Variants in HOMER2 observed in about 807,000 individuals in gnomAD.
The protein encoded by HOMER2 is homer protein homolog 2.
HOMER2 carries 27 observed loss-of-function variants against 47.0 expected under a neutral mutation model. That is an observed-to-expected ratio of 0.57 (90% confidence interval 0.42 to 0.79). HOMER2 has a LOEUF of 0.79. Ranked by LOEUF, HOMER2 falls within the 30% of genes least tolerant of loss-of-function variation. HOMER2 has a pLI of 0.00. For synonymous variants in HOMER2, 161 were observed against 163.8 expected, an observed-to-expected ratio of 0.98 and a Z score of 0.13; for missense variants, 443 against 435.0, an observed-to-expected ratio of 1.02 and a Z score of -0.16.
chr15:82,917,641 G>A (rs2053624276), intron 1 of HOMER2, among the ~76,000 whole-genome samples: 1 of 152,194 alleles, frequency 6.6e-6, no homozygotes. Context: ...AGGCATTTAA[G>A]GGAAGTCTTC....
chr15:82,923,593 G>A (rs1402976351), intron 1 of HOMER2, among the ~76,000 whole-genome samples: 2 of 152,154 alleles, frequency 1.3e-5, no homozygotes, highest in East Asian at 3.9e-4. Context: ...GGGACCCTGT[G>A]TAATTCCAAA....
At chr15:82,902,218 G>A (rs536655784) in intron 1 of HOMER2, among the ~76,000 whole-genome samples, 17 of 65,586 alleles carry the variant, frequency 2.6e-4, no homozygotes, top group Admixed American at 2.3e-3. Context: ...TTTTTTTTGA[G>A]ACCGAGTCTC....
chr15:82,969,225 G>A (rs535044816), intron 1 of HOMER2, among the ~76,000 whole-genome samples: 9 of 152,300 alleles, frequency 5.9e-5, no homozygotes, highest in East Asian at 1.9e-4. Flanking sequence ...ATCTTGGGGC[G>A]AAACTGCCAT....
intron 1 of HOMER2, among the ~76,000 whole-genome samples, chr15:82,948,606 G>A (rs115977842): frequency 0.027 from 4,156 of 152,248 alleles, 154 homozygotes; most frequent in African/African-American, 0.083. Context: ...TAGTTCTGGA[G>A]GTGGGTGCTC....
At position 82,851,182 on chromosome 15, in the gene HOMER2, G is replaced by A; in HGVS notation, c.812C>T (p.Ser271Leu). 1 of 1,576,050 alleles carries A rather than the reference G, an allele frequency of 6.3e-7. No homozygotes were observed. The highest frequency in any genetic ancestry group is 8.6e-7 in the Non-Finnish European group (1 of 1,159,026). The change falls in exon 8 of 9, where the codon TCA becomes TTA. Residue 271 changes from serine to leucine, a missense_variant. Physicochemically the swap from Ser to Leu is moderately radical, Grantham distance 145. Coordinates refer to ENST00000450735, the MANE Select transcript of HOMER2 (RefSeq NM_004839.4). ...CTTCTCAGAGACATATTCGCACTCT[G>A]ACATGAGCTGAGGTATGATTTCACT... is the stretch of plus-strand genomic sequence containing the variant. Reference protein sequence around the residue: ...KQSEIIPQLMSECEYVSEKLE... With the variant: ...KQSEIIPQLMLECEYVSEKLE...
chr15:82,941,070 G>T (rs753162128), intron 1 of HOMER2, among the ~76,000 whole-genome samples: 3 of 151,984 alleles, frequency 2.0e-5, no homozygotes, highest in Admixed American at 6.6e-5. Flanking sequence ...TATCCCTTCA[G>T]TTCTTGCCTG....
intron 5 of HOMER2, among the ~76,000 whole-genome samples, chr15:82,855,718 C>T (rs538941637): frequency 4.6e-5 from 7 of 152,320 alleles, no homozygotes; most frequent in African/African-American, 1.7e-4. Context: ...TGGCCCATAT[C>T]CCCCCGGGGT....
intron 3 of HOMER2, among the ~76,000 whole-genome samples, chr15:82,867,241 G>C (rs1011209918): frequency 6.6e-6 from 1 of 151,974 alleles, no homozygotes; most frequent in Admixed American, 6.6e-5. Context: ...AAACAGAACT[G>C]AGCATGTATC....
intron 1 of HOMER2, among the ~76,000 whole-genome samples, chr15:82,935,035 C>T (rs924900560): frequency 6.6e-6 from 1 of 152,294 alleles, no homozygotes; most frequent in East Asian, 1.9e-4. Flanking sequence ...CCCTGGGGCT[C>T]TGAACCACAG....
At chr15:82,891,845 AT>A (rs1448170641) in intron 2 of HOMER2, among the ~76,000 whole-genome samples, 3 of 152,156 alleles carry the variant, frequency 2.0e-5, no homozygotes, top group Non-Finnish European at 4.4e-5. Flanking sequence ...AGCCCAAATG[AT>A]TGGGGAATAA....
intron 2 of HOMER2, among the ~76,000 whole-genome samples, chr15:82,880,504 T>G (rs964172326): frequency 1.3e-5 from 2 of 152,214 alleles, no homozygotes; most frequent in African/African-American, 4.8e-5. Context: ...TGGGTACATA[T>G]GGGTTTGCTT....
intron 1 of HOMER2, among the ~76,000 whole-genome samples, chr15:82,980,967 A>C (rs2030375028): frequency 6.6e-6 from 1 of 152,232 alleles, no homozygotes; most frequent in Non-Finnish European, 1.5e-5. Context: ...GATCCGAGAT[A>C]GTCTGAAGAG....
chr15:82,844,358 C>T (rs1412349845), downstream of HOMER2: 1 of 152,054 alleles, frequency 6.6e-6, no homozygotes, highest in East Asian at 1.9e-4. Flanking sequence ...TCCTTGACTA[C>T]AACAGTAAAA....
upstream of HOMER2, chr15:82,986,114 A>AGAAGCGATCTGTTGC: frequency 1.0e-6 from 1 of 984,862 alleles, no homozygotes; most frequent in Non-Finnish European, 1.2e-6. Flanking sequence ...CAGCATTTGA[A>AGAAGCGATCTGTTGC]GAAGCGATCT....
At chr15:82,879,374 T>C (rs184891729) in intron 2 of HOMER2, among the ~76,000 whole-genome samples, 1 of 152,326 alleles carries the variant, frequency 6.6e-6, no homozygotes, top group Admixed American at 6.5e-5. Flanking sequence ...TGTGCACCTA[T>C]AGTCCCAGCT....
At chr15:82,906,632 C>T (rs2053294077) in intron 1 of HOMER2, among the ~76,000 whole-genome samples, 1 of 152,148 alleles carries the variant, frequency 6.6e-6, no homozygotes, top group Non-Finnish European at 1.5e-5. Context: ...CGAAGTTTCT[C>T]CATGTTGGTC....
exon 2 of HOMER2, chr15:82,840,437 C>T (rs1003586478): frequency 6.6e-6 from 1 of 152,102 alleles, no homozygotes; most frequent in Non-Finnish European, 1.5e-5. Flanking sequence ...GAAAATAGAA[C>T]AGAATCACTA....
chr15:82,864,860 G>A (rs1252820548), intron 3 of HOMER2, among the ~76,000 whole-genome samples: 4 of 152,184 alleles, frequency 2.6e-5, no homozygotes. Flanking sequence ...CACTAACAAG[G>A]TGGCCAATTT....
chr15:82,922,644 T>A (rs1339320850), intron 1 of HOMER2, among the ~76,000 whole-genome samples: 1 of 152,126 alleles, frequency 6.6e-6, no homozygotes, highest in African/African-American at 2.4e-5. Flanking sequence ...TTTTTATGCT[T>A]GATTCCCTTG....
Sources: allele counts gnomAD v4.1 joint callset (sites outside exome capture counted in the v4.1 genomes callset), GRCh38; gene constraint gnomAD v4.1.1; transcripts MANE v1.5; gene names NCBI Gene and HGNC (gene_info 2026-07-23, HGNC 2026-07-21).